WDFY4: variants seen among roughly 807,000 people sequenced by gnomAD.
WDFY4 encodes the protein WD repeat- and FYVE domain-containing protein 4.
In WDFY4, 169 loss-of-function variants were observed where a neutral mutation model predicts 351.9. The ratio of observed to expected loss-of-function variants is 0.48; its 90% confidence interval spans 0.42 to 0.55. The LOEUF is 0.55. Among genes scored for constraint, WDFY4 ranks in the 20% least tolerant of loss-of-function variants. The pLI is 0.00. For missense variants in WDFY4, 3,803 were observed against 3,935.6 expected (o/e 0.97, Z 0.90); for synonymous variants, 1,622 against 1,574.6 (o/e 1.03, Z -0.71).
intron 12 of WDFY4, among the ~76,000 whole-genome samples, chr10:48,754,280 A>T (rs1188493712): frequency 1.3e-5 from 2 of 150,064 alleles, no homozygotes; most frequent in Admixed American, 1.3e-4. Flanking sequence ...GTATCAGAGT[A>T]AAAATACAGG....
chr10:48,877,546 C>T (rs891040924), intron 43 of WDFY4, among the ~76,000 whole-genome samples: 2 of 152,234 alleles, frequency 1.3e-5, no homozygotes, highest in Non-Finnish European at 2.9e-5. Flanking sequence ...AGCATCTTGG[C>T]CCCCTGTTTG....
chr10:48,973,629 T>C (rs1478471908), intron 57 of WDFY4, among the ~76,000 whole-genome samples: 1 of 152,174 alleles, frequency 6.6e-6, no homozygotes, highest in East Asian at 1.9e-4. Flanking sequence ...GGCAAGCACA[T>C]GTGAGCAGAG....
chr10:48,704,053 C>A (rs1012993448), intron 1 of WDFY4, among the ~76,000 whole-genome samples: 1 of 152,074 alleles, frequency 6.6e-6, no homozygotes, highest in Non-Finnish European at 1.5e-5. Flanking sequence ...AGGGGAGACC[C>A]CATCACATAC....
At chr10:48,945,727 C>A (rs1841008611) in intron 49 of WDFY4, among the ~76,000 whole-genome samples, 1 of 152,198 alleles carries the variant, frequency 6.6e-6, no homozygotes, top group Admixed American at 6.5e-5. Context: ...AGCCAAGTGC[C>A]TCATAGACAA....
At chr10:48,808,061 T>C (rs2067318469) in intron 28 of WDFY4, 103 bp downstream of exon 28, 2 of 959,426 alleles carry the variant, frequency 2.1e-6, no homozygotes, top group South Asian at 2.1e-5. Flanking sequence ...GAGTCTGTTT[T>C]CTGCAATGTA....
At chr10:48,709,636 A>T in intron 1 of WDFY4, 80 bp from the exon 2 acceptor site, 1 of 1,227,238 alleles carries the variant, frequency 8.1e-7, no homozygotes, top group Non-Finnish European at 1.2e-6. Flanking sequence ...GGGCTGAGTG[A>T]GTACAGTACC....
At chr10:48,880,335 C>T (rs929720996) in intron 43 of WDFY4, among the ~76,000 whole-genome samples, 1 of 152,328 alleles carries the variant, frequency 6.6e-6, no homozygotes, top group Admixed American at 6.5e-5. Flanking sequence ...CCTCAGGGAT[C>T]TTGCTGGGGG....
chr10:48,692,137 C>T (rs1366710076), intron 1 of WDFY4, among the ~76,000 whole-genome samples: 1 of 152,224 alleles, frequency 6.6e-6, no homozygotes, highest in Non-Finnish European at 1.5e-5. Flanking sequence ...TCCACGTGGT[C>T]TCAGCCTTCG....
At chr10:48,815,019 A>G (rs1422048808) in intron 31 of WDFY4, among the ~76,000 whole-genome samples, 1 of 152,210 alleles carries the variant, frequency 6.6e-6, no homozygotes, top group Admixed American at 6.5e-5. Flanking sequence ...TGTTGTTTGT[A>G]ATGAACTTTC....
chr10:48,780,498 C>G (rs1006546012), intron 19 of WDFY4, among the ~76,000 whole-genome samples: 1 of 152,188 alleles, frequency 6.6e-6, no homozygotes, highest in East Asian at 1.9e-4. Context: ...CCAAGAAGCT[C>G]CCAGGTGAGG....
At chr10:48,907,157 A>T (rs183682847) in intron 47 of WDFY4, among the ~76,000 whole-genome samples, 224 of 152,338 alleles carry the variant, frequency 1.5e-3, no homozygotes, top group African/African-American at 5.2e-3. Flanking sequence ...GGAAGCTAAC[A>T]ATACCTGGCT....
chr10:48,742,582 G>T (rs941061778), intron 11 of WDFY4, among the ~76,000 whole-genome samples: 10 of 152,218 alleles, frequency 6.6e-5, no homozygotes, highest in African/African-American at 2.4e-4. Context: ...GCTTCAGTCT[G>T]GTGGAGAGCT....
chr10:48,710,004 C>T (rs778601802), intron 2 of WDFY4, 38 bp downstream of exon 2: 41 of 1,496,354 alleles, frequency 2.7e-5, no homozygotes, highest in South Asian at 2.2e-4. Context: ...AGGTGATAGG[C>T]GCTCTGGGAC....
rs746395363 is a variant in WDFY4, at chr10:48,786,699, G to A, written c.3637G>A (p.Asp1213Asn). 15 of 1,552,090 alleles carry A rather than the reference G, an allele frequency of 9.7e-6. No homozygotes were observed. The South Asian group carries it at 1.8e-4, about 18-fold the overall frequency. The change falls in exon 20 of 62, where the codon GAT becomes AAT. Residue 1213 changes from aspartate (D) to asparagine (N), a missense_variant. Transcript: ENST00000325239. ...FLSMDPSAFV[D>N]VYGYIATPRV... ...TTCTATGGATCCATCCGCATTTGTG[G>A]ATGTTTATGGATATATTGCTACTCC...
At chr10:48,838,869 C>T (rs1004069907) in intron 39 of WDFY4, among the ~76,000 whole-genome samples, 1 of 152,228 alleles carries the variant, frequency 6.6e-6, no homozygotes, top group Admixed American at 6.5e-5. Context: ...CTTTAGCCAT[C>T]ATTGCGGGAG....
intron 1 of WDFY4, among the ~76,000 whole-genome samples, chr10:48,699,136 A>G (rs1177211796): frequency 6.6e-6 from 1 of 152,126 alleles, no homozygotes; most frequent in African/African-American, 2.4e-5. Flanking sequence ...GAGGTCTGGG[A>G]GGTGAGGAGA....
intron 32 of WDFY4, among the ~76,000 whole-genome samples, chr10:48,817,924 G>C (rs2067678708): frequency 6.6e-6 from 1 of 152,250 alleles, no homozygotes; most frequent in Admixed American, 6.5e-5. Flanking sequence ...ATTTAAGGAT[G>C]AGGTCTTGGG....
chr10:48,962,713 C>G (rs1841916554), intron 53 of WDFY4, among the ~76,000 whole-genome samples: 1 of 152,110 alleles, frequency 6.6e-6, no homozygotes, highest in Non-Finnish European at 1.5e-5. Context: ...GAGCTGTGGT[C>G]CTGAATGGGA....
At chr10:48,727,362 C>A in intron 6 of WDFY4, 108 bp from the exon 7 acceptor site, 1 of 1,155,834 alleles carries the variant, frequency 8.7e-7, no homozygotes, top group East Asian at 2.6e-5. Flanking sequence ...GGATTAATTC[C>A]CATTCATGTC....
Sources: gnomAD v4.1 joint callset for allele counts (sites outside exome capture counted in the v4.1 genomes callset) on GRCh38, gnomAD v4.1.1 for gene constraint, MANE v1.5 for transcripts, NCBI Gene and HGNC (gene_info 2026-07-23, HGNC 2026-07-21) for gene names.